Variants in AIG1 observed in about 807,000 individuals in gnomAD.
AIG1 encodes androgen induced 1, also known as androgen-induced gene 1 protein.
Under a neutral mutation model 31.4 loss-of-function variants are expected in AIG1, and 23 were observed. The ratio of observed to expected loss-of-function variants is 0.73; its 90% CI spans 0.53 to 1.04. AIG1 has a LOEUF of 1.04. Ranked by LOEUF, AIG1 falls within the 50% of genes least tolerant of loss-of-function variation. The pLI is 0.00. For missense variants in AIG1, 274 were observed against 295.0 expected, an observed-to-expected ratio of 0.93 and a Z score of 0.52; for synonymous variants, 100 against 110.5, an observed-to-expected ratio of 0.90 and a Z score of 0.60.
intron 1 of AIG1, among the ~76,000 whole-genome samples, chr6:143,094,492 C>A (rs556306586): frequency 6.6e-6 from 1 of 152,240 alleles, no homozygotes; most frequent in East Asian, 1.9e-4. Context: ...TCCATTGCTT[C>A]GGAGTGAGAG....
intron 1 of AIG1, among the ~76,000 whole-genome samples, chr6:143,089,528 T>A (rs1442543746): frequency 3.9e-5 from 6 of 152,352 alleles, no homozygotes; most frequent in Middle Eastern, 3.4e-3. Context: ...TGAGATAATG[T>A]ATTTTTCTTA....
chr6:143,071,251 T>C (rs566332110), intron 1 of AIG1, among the ~76,000 whole-genome samples: 1 of 152,324 alleles, frequency 6.6e-6, no homozygotes, highest in Admixed American at 6.5e-5. Context: ...TCACCCAAGG[T>C]GTTACATGTA....
At chr6:143,305,697 T>C (rs1013262536) in intron 4 of AIG1, among the ~76,000 whole-genome samples, 1 of 152,166 alleles carries the variant, frequency 6.6e-6, no homozygotes, top group African/African-American at 2.4e-5. Context: ...AAAATGTATA[T>C]TCTGTTGATT....
chr6:143,118,156 CGCCCGGTGAGCACATCAT>C (rs891102288), intron 1 of AIG1, among the ~76,000 whole-genome samples: 7 of 152,124 alleles, frequency 4.6e-5, no homozygotes, highest in East Asian at 1.9e-4. Context: ...CAGTGGCTCA[CGCCCGGTGAGCACATCAT>C]GCCCGGTGAG....
intron 1 of AIG1, among the ~76,000 whole-genome samples, chr6:143,127,083 T>A (rs138436690): frequency 1.3e-5 from 2 of 152,210 alleles, no homozygotes; most frequent in African/African-American, 4.8e-5. Flanking sequence ...ACTATTCCTC[T>A]CTGGATTACA....
intron 3 of AIG1, among the ~76,000 whole-genome samples, chr6:143,172,746 T>TG (rs1258101329): frequency 6.6e-6 from 1 of 152,196 alleles, no homozygotes; most frequent in Non-Finnish European, 1.5e-5. Context: ...TCTCGCTTCT[T>TG]GTTATTGGTC....
chr6:143,060,468 A>C, upstream of AIG1: 1 of 248,612 alleles, frequency 4.0e-6, no homozygotes, highest in South Asian at 2.9e-5. Context: ...CCTTCAGTCT[A>C]GGTTCCCCGC....
Position 143,256,608 on chromosome 6 carries a change from T to TAA in AIG1, c.400-27501_400-27500insAA, listed in dbSNP as rs1226073468. On this transcript the variant is annotated intron_variant, in intron 3 of 5. Transcript: ENST00000357847. This position sits in a 1 kb window ranked among gnomAD's most constrained non-coding sequence, Gnocchi z 4.6. ...ATCGAGCAGATAAAAATGGAACCGTTACAGCTGAAATAGGGTGGGAAAGGA... is the reference window on the plus strand; with the variant it reads ...ATCGAGCAGATAAAAATGGAACCGTTAAACAGCTGAAATAGGGTGGGAAAGGA... 2.6e-5 allele frequency among the ~76,000 whole-genome samples: 4 copies of TAA among 152,226 alleles called. No homozygotes were observed. The highest frequency in any genetic ancestry group is 9.6e-5 in the African/African-American group (4 of 41,454).
chr6:143,177,741 C>T (rs1788305676), intron 3 of AIG1, among the ~76,000 whole-genome samples: 1 of 152,188 alleles, frequency 6.6e-6, no homozygotes, highest in African/African-American at 2.4e-5. Flanking sequence ...TCTCTGACAA[C>T]AGTGGGCCTG....
intron 1 of AIG1, among the ~76,000 whole-genome samples, chr6:143,119,338 T>C (rs763318012): frequency 3.3e-5 from 5 of 152,204 alleles, no homozygotes; most frequent in Non-Finnish European, 5.9e-5. Context: ...AGTATTGTAA[T>C]AATTTTCAAA....
rs184300919 is a variant in AIG1 at position 143,238,649 on chromosome 6, C to A, written c.400-45461C>A. Reference sequence around the variant, plus strand: ...TGAATAGACAATTAACAGTGTCTGTCATAGAGTTGGTTGGAAGCAGACACG... The same window carrying A: ...TGAATAGACAATTAACAGTGTCTGTAATAGAGTTGGTTGGAAGCAGACACG... On this transcript the variant is annotated intron_variant, in intron 3 of 5. Transcript: ENST00000357847. 1.7e-3 allele frequency among the ~76,000 whole-genome samples: 257 copies of A among 152,254 alleles called. 2 individuals are homozygous for A. Among genetic ancestry groups the A allele is most frequent in the African/African-American group, 6.0e-3 (251 of 41,566 alleles).
In AIG1 at chr6:143,303,752, A is replaced by G. The variant is rs1194098992; in HGVS notation, c.515+19527A>G. 9.5e-5 allele frequency among the ~76,000 whole-genome samples: 14 copies of G among 147,146 alleles called. 1 individual carries two copies. The highest frequency in any genetic ancestry group is 4.5e-4 in the South Asian group (2 of 4,468). On this transcript the variant is annotated intron_variant, in intron 4 of 5. Transcript: ENST00000357847. Reference sequence around the variant, plus strand: ...ATGAACTTTAAAGTAGTTTTTTCCAATTCTGTGAAGAAAGTCATTGGTAGC... The same window carrying G: ...ATGAACTTTAAAGTAGTTTTTTCCAGTTCTGTGAAGAAAGTCATTGGTAGC...
At chr6:143,100,581 C>G (rs894721699) in intron 1 of AIG1, among the ~76,000 whole-genome samples, 3 of 152,140 alleles carry the variant, frequency 2.0e-5, no homozygotes, top group Non-Finnish European at 2.9e-5. Flanking sequence ...TGTCCTTATT[C>G]TCTTTATTTT....
intron 1 of AIG1, among the ~76,000 whole-genome samples, chr6:143,095,244 T>C (rs1300273452): frequency 6.6e-6 from 1 of 152,106 alleles, no homozygotes; most frequent in African/African-American, 2.4e-5. Context: ...TTATTGATTA[T>C]TCCTGAATAA....
chr6:143,154,226 G>C (rs902033383), intron 2 of AIG1, among the ~76,000 whole-genome samples: 3 of 151,836 alleles, frequency 2.0e-5, no homozygotes, highest in Admixed American at 6.6e-5. Context: ...CATCTATAAG[G>C]CTGGATAAAA....
chr6:143,268,230 C>CT lies in AIG1; in HGVS notation c.400-15879dup, dbSNP rs376099144. Among the ~76,000 whole-genome samples, 603 of 152,214 alleles carry CT rather than the reference C, an allele frequency of 4.0e-3. 2 individuals carry two copies. The highest frequency in any genetic ancestry group is 0.014 in the African/African-American group (577 of 41,514). ...TAAAACCAAAGGTTGGTTGTGTGAT[C>CT]TACATGTGGAGCTCAGAGCATGTTT... On this transcript the variant is annotated intron_variant, in intron 3 of 5. Coordinates refer to ENST00000357847, the MANE Select transcript of AIG1 (RefSeq NM_016108.4). The surrounding 1 kb of genome is among the most constrained non-coding windows in gnomAD (Gnocchi z 5.0).
chr6:143,086,405 C>G (rs939204362), intron 1 of AIG1, among the ~76,000 whole-genome samples: 10 of 150,910 alleles, frequency 6.6e-5, no homozygotes, highest in Admixed American at 6.6e-4. Flanking sequence ...TCTCTTTCCC[C>G]TCTCTCTCTC....
At chr6:143,186,619 C>T (rs1013413685) in intron 3 of AIG1, 1 of 152,262 alleles carries the variant, frequency 6.6e-6, no homozygotes, top group Non-Finnish European at 1.5e-5. Flanking sequence ...TCCGCCATCA[C>T]TACGCACGTA....
intron 1 of AIG1, among the ~76,000 whole-genome samples, chr6:143,132,793 C>T (rs1465498481): frequency 6.6e-6 from 1 of 151,678 alleles, no homozygotes; most frequent in African/African-American, 2.4e-5. Flanking sequence ...TTCATGTATT[C>T]ATGTTTTCTA....
Sources: gnomAD v4.1 joint callset for allele counts (sites outside exome capture counted in the v4.1 genomes callset) on GRCh38, gnomAD v4.1.1 for gene constraint, Gnocchi (gnomAD v3.1) non-coding constraint, MANE v1.5 for transcripts, NCBI Gene and HGNC (gene_info 2026-07-23, HGNC 2026-07-21) for gene names.